The following LARP4B variants were observed in gnomAD, a reference collection of about 807,000 sequenced individuals.
LARP4B encodes la-related protein 4B.
LARP4B carries 12 observed loss-of-function variants against 89.8 expected under a neutral mutation model. The observed-to-expected ratio is 0.13, with a 90% CI of 0.09 to 0.22. The LOEUF (loss-of-function observed/expected upper bound fraction) is 0.22. Ranked by LOEUF, LARP4B falls within the 10% of genes least tolerant of loss-of-function variation. The pLI, the probability that LARP4B is intolerant of heterozygous loss-of-function variation, is 1.00. For missense variants in LARP4B, 757 were observed against 947.7 expected (o/e 0.80, Z 2.64); for synonymous variants, 367 against 363.3 (o/e 1.01, Z -0.12).
Position 931,702 on chromosome 10 carries a change from G to C in LARP4B, c.-314C>G, listed in dbSNP as rs989439072. On this transcript the variant is annotated 5_prime_UTR_variant, in exon 1 of 18. Transcript: ENST00000316157. ...CTTCCCGTTCGCATGAGAACACACAGCTCCCACTTCCGGGGCCCTGCGGAA... is the reference window on the plus strand; with the variant it reads ...CTTCCCGTTCGCATGAGAACACACACCTCCCACTTCCGGGGCCCTGCGGAA... 2 of 151,602 alleles carry C rather than the reference G, an allele frequency of 1.3e-5. No homozygotes were observed. The highest frequency in any genetic ancestry group is 1.5e-5 in the Non-Finnish European group (1 of 67,678). The allele number at this position is 151,602 out of a possible 1,614,324, so 9.4% of individuals were successfully genotyped here. A position where few individuals can be genotyped will look rare whatever the true frequency, so the allele number is the denominator to read the frequency against.
At chr10:900,121 G>T (rs1302684465) in intron 1 of LARP4B, among the ~76,000 whole-genome samples, 2 of 152,120 alleles carry the variant, frequency 1.3e-5, no homozygotes, top group African/African-American at 4.8e-5. Flanking sequence ...CGAGGCGGGT[G>T]GATCATCTGA....
chr10:813,010 C>A lies in LARP4B; in HGVS notation c.2133G>T (p.Arg711=), dbSNP rs1831829226. The part of the protein sequence containing the change: ...STPGAPRDQR[R]PAGGRPSPSA... The stretch of plus-strand genomic sequence containing the variant: ...AGGGCGAGGGCCGGCCCCCCGCCGG[C>A]CGCCTCTGGTCTCTGGGGGCTCCAG... Residue 711 remains arginine, a synonymous_variant, in exon 18 of 18, where the codon CGG becomes CGT. Transcript: ENST00000316157. 1 of 1,594,350 alleles carries A rather than the reference C, an allele frequency of 6.3e-7. No individual in the cohort carries two copies. The highest frequency in any genetic ancestry group is 2.2e-5 in the East Asian group (1 of 44,792).
intron 1 of LARP4B, among the ~76,000 whole-genome samples, chr10:911,578 C>G (rs1564442965): frequency 6.6e-6 from 1 of 152,176 alleles, no homozygotes; most frequent in Non-Finnish European, 1.5e-5. Flanking sequence ...TTCCACACTT[C>G]TACTCCTTCT....
the LARP4B span, chr10:972,206 T>C: frequency 3.2e-6 from 1 of 310,410 alleles, no homozygotes; most frequent in Non-Finnish European, 6.4e-6. Context: ...TTTTGTATTT[T>C]TAGTAGAGAC....
intron 3 of LARP4B, among the ~76,000 whole-genome samples, chr10:878,778 T>C (rs537266071): frequency 3.3e-4 from 51 of 152,292 alleles, no homozygotes; most frequent in African/African-American, 1.2e-3. Flanking sequence ...TGCATGGTAC[T>C]GCCACACAAA....
the LARP4B span, among the ~76,000 whole-genome samples, chr10:939,415 G>A: frequency 6.6e-6 from 1 of 152,206 alleles, no homozygotes; most frequent in East Asian, 1.9e-4. Flanking sequence ...TAACTCTCTA[G>A]GGCTACAGCC....
At position 862,256 on chromosome 10, in the gene LARP4B, T is replaced by TAAA. The variant is rs10661482; in HGVS notation, c.430+1484_430+1486dup. ...TTAAAGCAATAAGCTCCACTGAAGT[T>TAAA]AAAAAAAAAAAAAAAAAAAAAAAAA... On this transcript the variant is annotated intron_variant, in intron 5 of 17. Coordinates refer to ENST00000316157, the MANE Select transcript of LARP4B (RefSeq NM_015155.3). 8.5e-3 allele frequency among the ~76,000 whole-genome samples: 711 copies of TAAA among 84,066 alleles called. 13 individuals are homozygous for TAAA. Among genetic ancestry groups the TAAA allele is most frequent in the African/African-American group, 0.018 (344 of 19,276 alleles). The allele number at this position is 84,066 out of a possible 152,430, so 55.2% of individuals were successfully genotyped here. A position where few individuals can be genotyped will look rare whatever the true frequency, so the allele number is the denominator to read the frequency against.
At chr10:867,735 C>G (rs912880705) in intron 3 of LARP4B, among the ~76,000 whole-genome samples, 11 of 151,828 alleles carry the variant, frequency 7.2e-5, no homozygotes, top group Non-Finnish European at 1.5e-4. Flanking sequence ...GTGGCACACA[C>G]CTGTAATCCC....
At chr10:889,080 G>A (rs903165686) in intron 1 of LARP4B, among the ~76,000 whole-genome samples, 1 of 152,078 alleles carries the variant, frequency 6.6e-6, no homozygotes, top group African/African-American at 2.4e-5. Flanking sequence ...ATAAGATCCT[G>A]TCTCAAAAAA....
chr10:943,831 C>T, the LARP4B span, among the ~76,000 whole-genome samples: 3 of 151,940 alleles, frequency 2.0e-5, no homozygotes, highest in East Asian at 1.9e-4. Context: ...GTGTCTACTT[C>T]GCAGCTTTCT....
At chr10:824,997 A>T (rs1733625413) in intron 13 of LARP4B, 68 bp downstream of exon 13, 1 of 1,407,694 alleles carries the variant, frequency 7.1e-7, no homozygotes, top group Non-Finnish European at 9.4e-7. Flanking sequence ...ATTACAAAAC[A>T]TATCTAAATT....
chr10:825,162 G>A lies in LARP4B; in HGVS notation c.1387C>T (p.Arg463Trp), dbSNP rs1278112242. Residue 463 changes from arginine to tryptophan, a missense_variant, in exon 13 of 18, where the codon CGG becomes TGG. By Grantham distance (101) the Arg-to-Trp change is moderately radical. Around this residue, in one of 5 missense-constraint regions of LARP4B, gnomAD observed 387 missense variants for 423.6 expected, o/e 0.91. Coordinates refer to ENST00000316157, the MANE Select transcript of LARP4B (RefSeq NM_015155.3). The part of the protein sequence containing the change: ...QTRQAGQTRT[R>W]IQNPSAYAKR... ...GCATATGCTGAAGGGTTTTGAATCC[G>A]TGTTCTAGTTTGACCTGCTTGCCTT... 11 of 1,614,060 alleles carry A rather than the reference G, an allele frequency of 6.8e-6. No individual in the cohort carries two copies. Among genetic ancestry groups the A allele is most frequent in the Non-Finnish European group, 9.3e-6 (11 of 1,180,038 alleles).
chr10:831,700 G>T (rs146593349), intron 8 of LARP4B, among the ~76,000 whole-genome samples: 12 of 152,370 alleles, frequency 7.9e-5, no homozygotes, highest in African/African-American at 2.2e-4. Context: ...TGCTTCCGCA[G>T]TGGGGAAAAT....
Position 812,943 on chromosome 10 carries a change from G to C in LARP4B, c.2200C>G (p.Pro734Ala), listed in dbSNP as rs370989515. ...TACGGTTTTCACTGAGGAGACTTGGGGGGAGTGCTCTGCTCTCGGCTGAGA... is the reference window on the plus strand; with the variant it reads ...TACGGTTTTCACTGAGGAGACTTGGCGGGAGTGCTCTGCTCTCGGCTGAGA... ...KRLSREQSTPPKSPQ is the reference protein window; with the variant it reads ...KRLSREQSTPAKSPQ Residue 734 changes from proline (P) to alanine (A), a missense_variant, in exon 18 of 18, where the codon CCC becomes GCC. Physicochemically the swap from Pro to Ala is conservative, Grantham distance 27. Around this residue, in one of 5 missense-constraint regions of LARP4B, gnomAD observed 387 missense variants for 423.6 expected, o/e 0.91. Transcript: ENST00000316157. The C allele has an allele frequency of 1.3e-6, 2 of 1,548,528 alleles. No individual in the cohort carries two copies. Among genetic ancestry groups the C allele is most frequent in the South Asian group, 1.3e-5 (1 of 79,932 alleles).
chr10:812,936 G>A lies in LARP4B; in HGVS notation c.2207C>T (p.Ser736Phe). ...CCAGACGTACGGTTTTCACTGAGGA[G>A]ACTTGGGGGGAGTGCTCTGCTCTCG... ...LSREQSTPPK[S>F]PQ The change falls in exon 18 of 18, where the codon TCT becomes TTT. Residue 736 changes from serine to phenylalanine, a missense_variant. Transcript: ENST00000316157. The A allele has an allele frequency of 6.5e-7, 1 of 1,542,792 alleles. No individual in the cohort carries two copies. The highest frequency in any genetic ancestry group is 8.7e-7 in the Non-Finnish European group (1 of 1,153,280).
intron 1 of LARP4B, among the ~76,000 whole-genome samples, chr10:905,006 T>G (rs1836450108): frequency 6.6e-6 from 1 of 152,240 alleles, no homozygotes. Context: ...TAAAAGTACC[T>G]TCAGGCTATG....
intron 3 of LARP4B, chr10:873,316 C>G (rs575349556): frequency 1.0e-6 from 1 of 985,468 alleles, no homozygotes; most frequent in Non-Finnish European, 1.2e-6. Flanking sequence ...CTAATGACAA[C>G]AGAGCCCGAC....
chr10:893,092 C>G (rs1458519604), intron 1 of LARP4B, among the ~76,000 whole-genome samples: 1 of 147,558 alleles, frequency 6.8e-6, no homozygotes, highest in Non-Finnish European at 1.5e-5. Context: ...TTTTTTTTTC[C>G]CAGTAGAGAC....
Position 884,469 on chromosome 10 carries a change from C to T in LARP4B, c.119G>A (p.Ser40Asn). Reference sequence around the variant, plus strand: ...TACCTGACTCAAAGGTGGGATGGAACTTGTCTGAGAAGTGGTTTGAGATAT... The same window carrying T: ...TACCTGACTCAAAGGTGGGATGGAATTTGTCTGAGAAGTGGTTTGAGATAT... ...GPISQTTSQT[S>N]SIPPLSQVPA... Residue 40 changes from serine (S) to asparagine (N), a missense_variant, in exon 3 of 18, where the codon AGT (serine) becomes AAT (asparagine). This residue lies in a region of LARP4B where 175 missense variants were observed against 187.0 expected (regional missense o/e 0.94). Coordinates refer to ENST00000316157, the MANE Select transcript of LARP4B (RefSeq NM_015155.3). 1.9e-6 allele frequency: 3 copies of T among 1,607,922 alleles called. No individual in the cohort carries two copies. Among genetic ancestry groups the T allele is most frequent in the Non-Finnish European group, 2.6e-6 (3 of 1,174,614 alleles).
Sources: gnomAD v4.1 joint callset for allele counts (sites outside exome capture counted in the v4.1 genomes callset) on GRCh38, gnomAD v4.1.1 for gene constraint, gnomAD v4.1.1 regional missense constraint, MANE v1.5 for transcripts, NCBI Gene and HGNC (gene_info 2026-07-23, HGNC 2026-07-21) for gene names.